P2RX7: variants seen among roughly 807,000 people sequenced by gnomAD.
P2RX7 encodes purinergic receptor P2X 7.
In P2RX7, 62 loss-of-function variants were observed where a neutral mutation model predicts 71.6. The ratio of observed to expected loss-of-function variants is 0.87; its 90% CI spans 0.71 to 1.07. The LOEUF is 1.07. P2RX7 is among the 50% of genes least tolerant of loss of function. The probability of loss-of-function intolerance (pLI) is 0.00; values close to 1 mark genes in which losing one functional copy is unlikely to be tolerated. For missense variants in P2RX7, 686 were observed against 748.5 expected (o/e 0.92, Z 0.97); for synonymous variants, 299 against 283.3 (o/e 1.06, Z -0.56).
intron 12 of P2RX7, among the ~76,000 whole-genome samples, chr12:121,182,269 T>C (rs1333974668): frequency 6.6e-6 from 1 of 152,216 alleles, no homozygotes; most frequent in East Asian, 1.9e-4. Context: ...TTTACATCTC[T>C]TCTTGAGAAA....
chr12:121,165,259 G>C, intron 5 of P2RX7, 98 bp from the exon 6 acceptor site: 1 of 885,128 alleles, frequency 1.1e-6, no homozygotes, highest in Non-Finnish European at 1.9e-6. Flanking sequence ...GTATCCCAAA[G>C]ACCAAGCCAA....
At chr12:121,160,846 C>T in intron 3 of P2RX7, 56 bp from the exon 4 acceptor site, 1 of 1,314,132 alleles carries the variant, frequency 7.6e-7, no homozygotes, top group Non-Finnish European at 1.1e-6. Context: ...ATCACTTCTC[C>T]ACGTCTTAGT....
rs189747156 is a variant in P2RX7 at position 121,157,568 on chromosome 12, C to T, written c.363+1421C>T. On this transcript the variant is annotated intron_variant, in intron 3 of 12. Coordinates refer to ENST00000328963, the MANE Select transcript of P2RX7 (RefSeq NM_002562.6). ...TCCGTCTCCAATCCAGTTTGGGGGC[C>T]TGTTTCCCTTTTGTCCCATCCTTTG... Among the ~76,000 whole-genome samples the T allele has an allele frequency of 2.3e-3, 352 of 152,302 alleles. 2 individuals are homozygous for T. Among genetic ancestry groups the T allele is most frequent in the African/African-American group, 7.9e-3 (328 of 41,570 alleles).
intron 5 of P2RX7, among the ~76,000 whole-genome samples, chr12:121,163,951 G>C (rs917920252): frequency 6.6e-6 from 1 of 152,130 alleles, no homozygotes; most frequent in Non-Finnish European, 1.5e-5. Context: ...GGTGCGCTCA[G>C]CAGCATCACC....
At chr12:121,153,888 GGC>G (rs1878015681) in intron 1 of P2RX7, among the ~76,000 whole-genome samples, 1 of 152,122 alleles carries the variant, frequency 6.6e-6, no homozygotes, top group Admixed American at 6.6e-5. Context: ...TCAACATGTT[GGC>G]AGGAGGATTG....
chr12:121,138,090 G>A (rs1286034295), intron 1 of P2RX7, among the ~76,000 whole-genome samples: 5 of 152,210 alleles, frequency 3.3e-5, no homozygotes, highest in Non-Finnish European at 5.9e-5. Context: ...AGCCAGGATC[G>A]TTTGGGCAGT....
chr12:121,138,595 C>A (rs944244709), intron 1 of P2RX7, among the ~76,000 whole-genome samples: 2 of 152,230 alleles, frequency 1.3e-5, no homozygotes, highest in African/African-American at 4.8e-5. Flanking sequence ...ATTCTGTGAC[C>A]AGACCAAATG....
Position 121,166,090 on chromosome 12 carries a change from G to A in P2RX7, c.647G>A (p.Cys216Tyr), listed in dbSNP as rs780519247. The A allele has an allele frequency of 6.8e-6, 11 of 1,613,696 alleles. No individual in the cohort carries two copies. The South Asian group carries it at 8.8e-5, about 13-fold the overall frequency. The change falls in exon 7 of 13, where the codon TGT (cysteine) becomes TAT (tyrosine). Residue 216 changes from cysteine (C) to tyrosine (Y), a missense_variant. By Grantham distance (194) the Cys-to-Tyr change is radical. Transcript: ENST00000328963. ...RNILPGLNIT[C>Y]TFHKTQNPQC... ...ATCCTGCCAGGTTTAAACATCACTT[G>A]TACCTTCCACAAGACTCAGAATCCA...
chr12:121,138,319 C>T (rs937374210), intron 1 of P2RX7, among the ~76,000 whole-genome samples: 4 of 152,270 alleles, frequency 2.6e-5, no homozygotes, highest in Admixed American at 6.5e-5. Flanking sequence ...AAGATATCCT[C>T]ACATTCTCTT....
At chr12:121,133,209 C>A in intron 1 of P2RX7, 114 bp downstream of exon 1, 1 of 1,212,906 alleles carries the variant, frequency 8.2e-7, no homozygotes, top group Non-Finnish European at 1.2e-6. Context: ...GAATCTGAGA[C>A]GTGCTCTCAC....
chr12:121,175,099 C>T (rs554939319), intron 8 of P2RX7, among the ~76,000 whole-genome samples: 176 of 152,122 alleles, frequency 1.2e-3, no homozygotes, highest in Middle Eastern at 3.4e-3. Context: ...CACTTGAGCT[C>T]AGGAGTTCGA....
chr12:121,165,907 G>A, intron 6 of P2RX7, 151 bp from the exon 7 acceptor site: 1 of 713,396 alleles, frequency 1.4e-6, no homozygotes, highest in Non-Finnish European at 2.3e-6. Flanking sequence ...CTGGTCCAGT[G>A]TGAGAGGCCA....
chr12:121,175,485 C>A lies in P2RX7; in HGVS notation c.972+7C>A. 1.7e-6 allele frequency: 2 copies of A among 1,204,160 alleles called. No homozygotes were observed. The highest frequency in any genetic ancestry group is 1.2e-6 in the Non-Finnish European group (1 of 805,532). The allele number at this position is 1,204,160 out of a possible 1,614,324, so 74.6% of individuals were successfully genotyped here. On this transcript the variant is annotated splice_region_variant and intron_variant, in intron 9 of 12. Coordinates refer to ENST00000328963, the MANE Select transcript of P2RX7 (RefSeq NM_002562.6). ...CATCCTGGTTTTTGGCACCGTAAGTCTCGTTTCCCAGCTCCGGGCACCGGC... is the reference window on the plus strand; with the variant it reads ...CATCCTGGTTTTTGGCACCGTAAGTATCGTTTCCCAGCTCCGGGCACCGGC...
At chr12:121,165,915 C>A in intron 6 of P2RX7, 143 bp from the exon 7 acceptor site, 1 of 770,790 alleles carries the variant, frequency 1.3e-6, no homozygotes, top group Non-Finnish European at 2.1e-6. Flanking sequence ...GTGTGAGAGG[C>A]CACTGCCCAG....
At chr12:121,174,148 A>G (rs1224859601) in intron 8 of P2RX7, among the ~76,000 whole-genome samples, 1 of 144,534 alleles carries the variant, frequency 6.9e-6, no homozygotes, top group Non-Finnish European at 1.5e-5. Context: ...CCTGGGTTCA[A>G]GTGATTCTCG....
rs1844783319 is a variant in P2RX7 at position 121,184,915 on chromosome 12, T to C, written c.*113T>C. The C allele has an allele frequency of 1.2e-6, 1 of 809,272 alleles. No individual in the cohort carries two copies. The highest frequency in any genetic ancestry group is 1.9e-6 in the Non-Finnish European group (1 of 519,476). The allele number at this position is 809,272 out of a possible 1,614,324, so 50.1% of individuals were successfully genotyped here. On this transcript the variant is annotated 3_prime_UTR_variant, in exon 13 of 13. Transcript: ENST00000328963. ...GCCTGGCTAACAAGGCGAAATCCTGTCTGTACTAAAAATACAAAAATCAGC... is the reference window on the plus strand; with the variant it reads ...GCCTGGCTAACAAGGCGAAATCCTGCCTGTACTAAAAATACAAAAATCAGC...
chr12:121,171,755 G>A (rs1882233654), intron 8 of P2RX7, among the ~76,000 whole-genome samples: 1 of 151,938 alleles, frequency 6.6e-6, no homozygotes, highest in Non-Finnish European at 1.5e-5. Flanking sequence ...TACCTGTACT[G>A]GAAATACAGA....
At chr12:121,136,585 G>T (rs1053709045) in intron 1 of P2RX7, among the ~76,000 whole-genome samples, 1 of 151,666 alleles carries the variant, frequency 6.6e-6, no homozygotes, top group Non-Finnish European at 1.5e-5. Flanking sequence ...GCCTCCCAAA[G>T]TGCTGGGATT....
intron 8 of P2RX7, among the ~76,000 whole-genome samples, chr12:121,172,102 CTGCCTGCCTCGGCCTCCCAAAG>C (rs71884353): frequency 0.35 from 53,444 of 151,616 alleles, 9,719 homozygotes; most frequent in Non-Finnish European, 0.39. Context: ...ACCTCGTGAT[CTGCCTGCCTCGGCCTCCCAAAG>C]TGCTGGGATT....
Sources: gnomAD v4.1 joint callset for allele counts (sites outside exome capture counted in the v4.1 genomes callset) on GRCh38, gnomAD v4.1.1 for gene constraint, MANE v1.5 for transcripts, NCBI Gene and HGNC (gene_info 2026-07-23, HGNC 2026-07-21) for gene names.